The following KCNIP1 variants were observed in gnomAD, a reference collection of about 807,000 sequenced individuals.
KCNIP1 encodes A-type potassium channel modulatory protein KCNIP1.
KCNIP1 carries 18 observed loss-of-function variants against 33.0 expected under a neutral mutation model. The observed-to-expected ratio is 0.55, with a 90% CI of 0.38 to 0.81. The LOEUF is 0.81. Ranked by LOEUF, KCNIP1 falls within the 30% of genes least tolerant of loss-of-function variation. The probability of loss-of-function intolerance (pLI) is 0.00; values close to 1 mark genes in which losing one functional copy is unlikely to be tolerated. For missense variants in KCNIP1, 238 were observed against 271.6 expected (o/e 0.88, Z 0.87); for synonymous variants, 93 against 98.3 (o/e 0.95, Z 0.32).
At chr5:170,682,784 C>CTTTTTTTTTTTTTTTTTTTTTGTTT (rs1762398023) in intron 1 of KCNIP1, among the ~76,000 whole-genome samples, 1 of 71,404 alleles carries the variant, frequency 1.4e-5, no homozygotes, top group Non-Finnish European at 2.4e-5. Flanking sequence ...TTCTTTGTTT[C>CTTTTTTTTTTTTTTTTTTTTTGTTT]TTTTTTTTTT....
At chr5:170,532,421 T>A (rs888686766) in intron 1 of KCNIP1, among the ~76,000 whole-genome samples, 4 of 152,220 alleles carry the variant, frequency 2.6e-5, no homozygotes, top group Admixed American at 2.0e-4. Context: ...TGACATGTCC[T>A]CGACTCCCCT....
At chr5:170,712,283 G>A (rs1763476830) in intron 1 of KCNIP1, among the ~76,000 whole-genome samples, 1 of 152,196 alleles carries the variant, frequency 6.6e-6, no homozygotes, top group Non-Finnish European at 1.5e-5. Flanking sequence ...TACTAATCAA[G>A]CTTAATGGGG....
intron 1 of KCNIP1, among the ~76,000 whole-genome samples, chr5:170,716,460 C>G (rs1450853469): frequency 6.6e-6 from 1 of 152,226 alleles, no homozygotes; most frequent in Admixed American, 6.5e-5. Context: ...TACTTCCCAG[C>G]ATCTTGAGCC....
intron 1 of KCNIP1, among the ~76,000 whole-genome samples, chr5:170,530,058 A>T (rs781288058): frequency 7.9e-5 from 12 of 152,212 alleles, no homozygotes; most frequent in Non-Finnish European, 1.3e-4. Flanking sequence ...TCACCATGCC[A>T]CTGCTGACTA....
chr5:170,487,332 T>C (rs1757118662), intron 1 of KCNIP1, among the ~76,000 whole-genome samples: 1 of 152,052 alleles, frequency 6.6e-6, no homozygotes, highest in South Asian at 2.1e-4. Context: ...TTTGAAAAAA[T>C]TGCCTTCACA....
intron 3 of KCNIP1, among the ~76,000 whole-genome samples, chr5:170,721,521 C>A (rs116524706): frequency 6.6e-6 from 1 of 152,056 alleles, no homozygotes; most frequent in Non-Finnish European, 1.5e-5. Flanking sequence ...CATTCATGGC[C>A]GTTCAGAAGA....
At chr5:170,569,963 G>C (rs993218460) in intron 1 of KCNIP1, among the ~76,000 whole-genome samples, 3 of 152,134 alleles carry the variant, frequency 2.0e-5, no homozygotes, top group African/African-American at 7.2e-5. Context: ...CTAGACATTT[G>C]ATATCTGGCT....
chr5:170,418,933 A>G (rs1755405185), intron 1 of KCNIP1, among the ~76,000 whole-genome samples: 1 of 152,204 alleles, frequency 6.6e-6, no homozygotes, highest in Non-Finnish European at 1.5e-5. Flanking sequence ...TCTGGAAGCT[A>G]TCATTTTTCA....
intron 1 of KCNIP1, among the ~76,000 whole-genome samples, chr5:170,432,229 CA>C (rs1200588444): frequency 6.6e-6 from 1 of 152,174 alleles, no homozygotes; most frequent in East Asian, 1.9e-4. Context: ...TATCACCCCA[CA>C]AAAAAATCCC....
chr5:170,366,550 G>A (rs1323911305), intron 1 of KCNIP1, among the ~76,000 whole-genome samples: 1 of 152,272 alleles, frequency 6.6e-6, no homozygotes, highest in East Asian at 1.9e-4. Flanking sequence ...GGAAATTTCA[G>A]TCTGGCCAAG....
chr5:170,675,306 A>T (rs1415229819), intron 1 of KCNIP1, among the ~76,000 whole-genome samples: 1 of 151,418 alleles, frequency 6.6e-6, no homozygotes, highest in Non-Finnish European at 1.5e-5. Flanking sequence ...CTCAAAAAAT[A>T]TATATATATA....
chr5:170,673,591 TG>T (rs1762006656), intron 1 of KCNIP1, among the ~76,000 whole-genome samples: 1 of 152,198 alleles, frequency 6.6e-6, no homozygotes, highest in Non-Finnish European at 1.5e-5. Context: ...TGCTGTTAAG[TG>T]GGCTCTGATA....
intron 1 of KCNIP1, among the ~76,000 whole-genome samples, chr5:170,402,395 G>A (rs1433970042): frequency 1.3e-5 from 2 of 152,086 alleles, no homozygotes; most frequent in African/African-American, 2.4e-5. Context: ...AGGTTTTAAT[G>A]GTATTATACA....
intron 1 of KCNIP1, among the ~76,000 whole-genome samples, chr5:170,639,888 T>C (rs6891256): frequency 0.11 from 16,825 of 152,312 alleles, 1,036 homozygotes; most frequent in African/African-American, 0.15. Context: ...GTTGATTTCT[T>C]TCACACATAA....
At chr5:170,595,634 A>C (rs1183788293) in intron 1 of KCNIP1, among the ~76,000 whole-genome samples, 2 of 152,146 alleles carry the variant, frequency 1.3e-5, no homozygotes, top group African/African-American at 4.8e-5. Flanking sequence ...AAAAACAAGC[A>C]CCTATTGATC....
In KCNIP1 at chr5:170,525,303, C is replaced by T. The variant is rs370682514; in HGVS notation, c.61+20670C>T. Among the ~76,000 whole-genome samples, 72 of 152,348 alleles carry T rather than the reference C, an allele frequency of 4.7e-4. 1 individual carries two copies. In the South Asian group the frequency reaches 0.014, roughly 29 times the overall value. ...ACTTAGTAGCCCTTGGTGACTTAAC[C>T]TTCCTGAGCCTCAGTTTTCTCTTCT... On this transcript the variant is annotated intron_variant, in intron 1 of 7. Coordinates refer to ENST00000328939, the MANE Select transcript of KCNIP1 (RefSeq NM_014592.4).
intron 1 of KCNIP1, among the ~76,000 whole-genome samples, chr5:170,477,299 A>G (rs563142638): frequency 8.2e-4 from 121 of 147,512 alleles, no homozygotes; most frequent in African/African-American, 2.9e-3. Flanking sequence ...ATGTGTGTGT[A>G]TATATATATA....
At chr5:170,589,786 T>TGGTGTGTGGTGTGGTGC (rs1481431599) in intron 1 of KCNIP1, among the ~76,000 whole-genome samples, 11,404 of 142,080 alleles carry the variant, frequency 0.08, 578 homozygotes, top group South Asian at 0.11. Context: ...TGGTGTGATG[T>TGGTGTGTGGTGTGGTGC]GATGTGGTGT....
chr5:170,392,736 AT>A (rs1446666087), intron 1 of KCNIP1, among the ~76,000 whole-genome samples: 35 of 152,304 alleles, frequency 2.3e-4, no homozygotes, highest in African/African-American at 8.2e-4. Context: ...AGGCATGAAA[AT>A]CACTTGAATC....
Sources: gnomAD v4.1 joint callset for allele counts (sites outside exome capture counted in the v4.1 genomes callset) on GRCh38, gnomAD v4.1.1 for gene constraint, MANE v1.5 for transcripts, NCBI Gene and HGNC (gene_info 2026-07-23, HGNC 2026-07-21) for gene names.